AKAP6: variants seen among roughly 807,000 people sequenced by gnomAD.
The protein encoded by AKAP6 is A-kinase anchoring protein 6.
AKAP6 carries 58 observed loss-of-function variants against 188.5 expected under a neutral mutation model. The ratio of observed to expected loss-of-function variants is 0.31; its 90% CI spans 0.25 to 0.38. The LOEUF is 0.38. Among genes scored for constraint, AKAP6 ranks in the 10% least tolerant of loss-of-function variants. The pLI is 1.00. For synonymous variants in AKAP6, 989 were observed against 998.6 expected, an observed-to-expected ratio of 0.99 and a Z score of 0.18; for missense variants, 2,710 against 2,740.0, an observed-to-expected ratio of 0.99 and a Z score of 0.24.
chr14:32,684,015 G>C (rs1397431600), intron 8 of AKAP6, among the ~76,000 whole-genome samples: 1 of 152,226 alleles, frequency 6.6e-6, no homozygotes, highest in African/African-American at 2.4e-5. Flanking sequence ...CACTCTAGGA[G>C]ACAGATGTGG....
chr14:32,412,503 G>A (rs1889522173), intron 1 of AKAP6, among the ~76,000 whole-genome samples: 1 of 152,084 alleles, frequency 6.6e-6, no homozygotes, highest in African/African-American at 2.4e-5. Context: ...CTCCCCTTTT[G>A]TAGCATTAAC....
chr14:32,741,651 T>C (rs1364472016), intron 11 of AKAP6, among the ~76,000 whole-genome samples: 3 of 152,062 alleles, frequency 2.0e-5, no homozygotes, highest in Non-Finnish European at 4.4e-5. Context: ...TCTGTTGATA[T>C]GATGGATCAC....
At chr14:32,670,148 A>G (rs941530560) in intron 7 of AKAP6, among the ~76,000 whole-genome samples, 1 of 151,924 alleles carries the variant, frequency 6.6e-6, no homozygotes, top group African/African-American at 2.4e-5. Context: ...CATGAAAACT[A>G]TCACAAAGCC....
chr14:32,419,554 T>C (rs2138660069), intron 1 of AKAP6, among the ~76,000 whole-genome samples: 1 of 152,290 alleles, frequency 6.6e-6, no homozygotes, highest in Non-Finnish European at 1.5e-5. Context: ...CTCAGCCTGA[T>C]TCAATTGTCT....
chr14:32,418,280 T>C (rs936442956), intron 1 of AKAP6, among the ~76,000 whole-genome samples: 3 of 152,232 alleles, frequency 2.0e-5, no homozygotes, highest in Non-Finnish European at 4.4e-5. Context: ...TCCAAACGTC[T>C]GAATCACTCT....
At chr14:32,602,948 G>A (rs539199915) in intron 7 of AKAP6, among the ~76,000 whole-genome samples, 8 of 152,268 alleles carry the variant, frequency 5.3e-5, no homozygotes, top group Admixed American at 1.3e-4. Context: ...GCTGGCTTCC[G>A]TGCCTGTCTC....
At chr14:32,339,517 A>G (rs1367087344) in intron 1 of AKAP6, among the ~76,000 whole-genome samples, 1 of 152,156 alleles carries the variant, frequency 6.6e-6, no homozygotes, top group African/African-American at 2.4e-5. Context: ...GTCATTTGAA[A>G]GATACATTGA....
At chr14:32,378,429 T>C (rs73259206) in intron 1 of AKAP6, among the ~76,000 whole-genome samples, 2,810 of 152,298 alleles carry the variant, frequency 0.018, 92 homozygotes, top group African/African-American at 0.065. Flanking sequence ...AAATATCTTA[T>C]GTGTGTTCAG....
At chr14:32,742,968 G>T (rs576140355) in intron 11 of AKAP6, among the ~76,000 whole-genome samples, 1 of 151,972 alleles carries the variant, frequency 6.6e-6, no homozygotes. Context: ...AAGTGGGTGA[G>T]TTGAAGTCTC....
chr14:32,675,713 GA>G (rs1280042961), intron 7 of AKAP6, among the ~76,000 whole-genome samples: 6 of 152,186 alleles, frequency 3.9e-5, no homozygotes, highest in African/African-American at 9.7e-5. Context: ...TTAGTGCAGG[GA>G]AGTTTCCTTT....
chr14:32,408,812 G>T (rs1889378909), intron 1 of AKAP6, among the ~76,000 whole-genome samples: 1 of 152,122 alleles, frequency 6.6e-6, no homozygotes, highest in Non-Finnish European at 1.5e-5. Context: ...TATTGGTGAT[G>T]GGTGGGGCTT....
chr14:32,413,122 G>A (rs571187666), intron 1 of AKAP6, among the ~76,000 whole-genome samples: 25 of 150,680 alleles, frequency 1.7e-4, no homozygotes, highest in Non-Finnish European at 3.2e-4. Flanking sequence ...TGTAAGAATA[G>A]CATCAGAAAG....
chr14:32,491,102 C>A (rs1241271582), intron 2 of AKAP6, among the ~76,000 whole-genome samples: 6 of 152,118 alleles, frequency 3.9e-5, no homozygotes, highest in African/African-American at 1.4e-4. Flanking sequence ...TAATTCTGAT[C>A]ATCTCAAAAG....
chr14:32,523,000 A>C (rs1003389173), intron 2 of AKAP6, among the ~76,000 whole-genome samples: 2 of 152,330 alleles, frequency 1.3e-5, no homozygotes, highest in Admixed American at 6.5e-5. Flanking sequence ...GCAGCCACAA[A>C]AAAGGATGAG....
At chr14:32,530,024 G>A (rs1267152310) in intron 2 of AKAP6, among the ~76,000 whole-genome samples, 1 of 55,270 alleles carries the variant, frequency 1.8e-5, no homozygotes, top group Non-Finnish European at 3.5e-5. Flanking sequence ...GTTTTTTTTT[G>A]GAGACAGGTT....
chr14:32,387,798 A>G (rs1327823819), intron 1 of AKAP6, among the ~76,000 whole-genome samples: 5 of 147,748 alleles, frequency 3.4e-5, no homozygotes, highest in South Asian at 2.1e-4. Flanking sequence ...ATTGGTCTGT[A>G]GTTTTTTTTT....
rs746979453 is a variant in AKAP6 at position 32,821,846 on chromosome 14, T to C, written c.4033T>C (p.Leu1345=). The C allele has an allele frequency of 1.9e-6, 3 of 1,613,898 alleles. No homozygotes were observed. Among genetic ancestry groups the C allele is most frequent in the Non-Finnish European group, 2.5e-6 (3 of 1,179,942 alleles). ...GCCAGATCTTCTAGGTGGTTCCAAT[T>C]TGGTAAAGCCCTGCGCATGTCATGG... ...SLPDLLGGSN[L]VKPCACHGGD... Residue 1345 remains leucine (L), a synonymous_variant, in exon 13 of 14, where the codon TTG becomes CTG. Transcript: ENST00000280979.
rs8003015 is a variant in AKAP6, at chr14:32,805,355, G to C, written c.3589-16047G>C. Among the ~76,000 whole-genome samples, 155 of 152,294 alleles carry C rather than the reference G, an allele frequency of 1.0e-3. 2 individuals carry two copies. Among genetic ancestry groups the C allele is most frequent in the African/African-American group, 3.6e-3 (150 of 41,564 alleles). On this transcript the variant is annotated intron_variant, in intron 12 of 13. Coordinates refer to ENST00000280979, the MANE Select transcript of AKAP6 (RefSeq NM_004274.5). ...AGTTATACTTATCTTATGCAGAGTT[G>C]CCCAGCCATGTACCATGATTCATTT...
chr14:32,466,827 T>TTATATATATATATA lies in AKAP6; in HGVS notation c.324+33016_324+33029dup, dbSNP rs776142584. On this transcript the variant is annotated intron_variant, in intron 2 of 13. Coordinates refer to ENST00000280979, the MANE Select transcript of AKAP6 (RefSeq NM_004274.5). Reference sequence around the variant, plus strand: ...CAAAATATAAGCTGTAAAAACAAGATTATATATATATATATATATTTTCTT... The same window carrying TTATATATATATATA: ...CAAAATATAAGCTGTAAAAACAAGATTATATATATATATATATATATATATATATATATTTTCTT... 4.4e-3 allele frequency among the ~76,000 whole-genome samples: 503 copies of TTATATATATATATA among 115,058 alleles called. 13 individuals carry two copies. The highest frequency in any genetic ancestry group is 0.019 in the African/African-American group (378 of 20,180). 75.5% of individuals were successfully genotyped at this position (115,058 alleles called of 152,430 possible).
Sources: gnomAD v4.1 joint callset for allele counts (sites outside exome capture counted in the v4.1 genomes callset) on GRCh38, gnomAD v4.1.1 for gene constraint, MANE v1.5 for transcripts, NCBI Gene and HGNC (gene_info 2026-07-23, HGNC 2026-07-21) for gene names.